Variants in ADORA2B observed in about 807,000 individuals in gnomAD.
The protein encoded by ADORA2B is adenosine receptor A2b.
A neutral mutation model predicts 20.8 loss-of-function variants in ADORA2B; 18 were observed. The observed-to-expected ratio is 0.87, with a 90% CI of 0.60 to 1.29. ADORA2B has a LOEUF of 1.29. Ranked by LOEUF, ADORA2B falls within the 50% of genes most tolerant of loss-of-function variation. The pLI, the probability that ADORA2B is intolerant of heterozygous loss-of-function variation, is 0.00. For missense variants in ADORA2B, 441 were observed against 422.7 expected (o/e 1.04, Z -0.38); for synonymous variants, 179 against 178.3 (o/e 1.00, Z -0.03).
At chr17:15,862,907 T>A in the ADORA2B span, among the ~76,000 whole-genome samples, 1 of 152,006 alleles carries the variant, frequency 6.6e-6, no homozygotes, top group Non-Finnish European at 1.5e-5. Context: ...TAGTAGCTTT[T>A]TAATACATAT....
In ADORA2B at chr17:15,975,003, C is replaced by G. The variant is rs775839247; in HGVS notation, c.660C>G (p.Asp220Glu). Residue 220 changes from aspartate (D) to glutamate (E), a missense_variant, in exon 2 of 2, where the codon GAC becomes GAG. Physicochemically the swap from Asp to Glu is conservative, Grantham distance 45. Transcript: ENST00000304222. Reference sequence around the variant, plus strand: ...AGCTTCAGCGCACTGAGCTGATGGACCACTCGAGGACCACCCTCCAGCGGG... The same window carrying G: ...AGCTTCAGCGCACTGAGCTGATGGAGCACTCGAGGACCACCCTCCAGCGGG... The part of the protein sequence containing the change: ...CRQLQRTELM[D>E]HSRTTLQREI... 6.2e-7 allele frequency: 1 copy of G among 1,614,142 alleles called. No homozygotes were observed. Among genetic ancestry groups the G allele is most frequent in the Non-Finnish European group, 8.5e-7 (1 of 1,180,026 alleles).
At chr17:15,855,255 C>T in the ADORA2B span, among the ~76,000 whole-genome samples, 1 of 152,218 alleles carries the variant, frequency 6.6e-6, no homozygotes, top group East Asian at 1.9e-4. Context: ...TAATCCCCCC[C>T]AACAATCCTC....
At chr17:15,942,887 G>T (rs998427529), upstream of ADORA2B, among the ~76,000 whole-genome samples, 1 of 152,104 alleles carries the variant, frequency 6.6e-6, no homozygotes, top group Non-Finnish European at 1.5e-5. Context: ...CCTCTGCCTG[G>T]TATAGCTGGA....
At chr17:15,899,628 A>G in the ADORA2B span, among the ~76,000 whole-genome samples, 2 of 151,936 alleles carry the variant, frequency 1.3e-5, no homozygotes, top group South Asian at 2.1e-4. Flanking sequence ...CCCAGTGTCT[A>G]TTGTCCCATC....
At chr17:15,864,594 A>G in the ADORA2B span, among the ~76,000 whole-genome samples, 2 of 152,198 alleles carry the variant, frequency 1.3e-5, no homozygotes, top group African/African-American at 4.8e-5. Flanking sequence ...AATTGATGTC[A>G]AGGTAGGGAA....
intron 1 of ADORA2B, 137 bp from the exon 2 acceptor site, chr17:15,974,541 AG>A: frequency 1.4e-6 from 1 of 691,444 alleles, no homozygotes; most frequent in South Asian, 2.0e-5. Context: ...TTTAGTATTG[AG>A]GGTAAAGGCC....
chr17:15,871,180 A>G, the ADORA2B span, among the ~76,000 whole-genome samples: 2 of 152,202 alleles, frequency 1.3e-5, no homozygotes, highest in Non-Finnish European at 2.9e-5. Flanking sequence ...ACTATGAGGA[A>G]TAAAAATGGC....
At chr17:15,897,860 A>G in the ADORA2B span, among the ~76,000 whole-genome samples, 6 of 152,214 alleles carry the variant, frequency 3.9e-5, no homozygotes, top group Non-Finnish European at 7.3e-5. Flanking sequence ...GTTCAACACC[A>G]TGAACAGTGC....
chr17:15,865,954 A>T, the ADORA2B span, among the ~76,000 whole-genome samples: 1 of 148,136 alleles, frequency 6.8e-6, no homozygotes. Context: ...CACAGTATTG[A>T]ATCAGTGAGA....
At chr17:15,965,799 C>T (rs1488279476) in intron 1 of ADORA2B, among the ~76,000 whole-genome samples, 2 of 152,282 alleles carry the variant, frequency 1.3e-5, no homozygotes, top group African/African-American at 4.8e-5. Flanking sequence ...TGGCAGGCTA[C>T]GCTGCCTCCA....
chr17:15,948,270 G>A (rs927633852), intron 1 of ADORA2B, among the ~76,000 whole-genome samples: 3 of 11,010 alleles, frequency 2.7e-4, no homozygotes, highest in Non-Finnish European at 7.8e-4. Flanking sequence ...AGGGGAGCCG[G>A]AGGGAATGCC....
At chr17:15,866,092 T>G in the ADORA2B span, among the ~76,000 whole-genome samples, 1 of 152,128 alleles carries the variant, frequency 6.6e-6, no homozygotes, top group Non-Finnish European at 1.5e-5. Flanking sequence ...AAGTCCAGTT[T>G]GGGGCTAAGG....
the ADORA2B span, among the ~76,000 whole-genome samples, chr17:15,909,436 A>T: frequency 4.6e-5 from 7 of 152,316 alleles, no homozygotes; most frequent in African/African-American, 1.7e-4. Flanking sequence ...TTGTAGCGAA[A>T]GGAAAGCCTG....
the ADORA2B span, among the ~76,000 whole-genome samples, chr17:15,884,857 T>TA: frequency 6.6e-6 from 1 of 152,220 alleles, no homozygotes; most frequent in African/African-American, 2.4e-5. Flanking sequence ...TCTTTGCTCT[T>TA]ATGACTAGTG....
Position 15,975,429 on chromosome 17 carries a change from C to T in ADORA2B, c.*87C>T, listed in dbSNP as rs1175885759. On this transcript the variant is annotated 3_prime_UTR_variant, in exon 2 of 2. Coordinates refer to ENST00000304222, the MANE Select transcript of ADORA2B (RefSeq NM_000676.4). ...TGGTTTTCATTGTGAAAGATAGCTA[C>T]ACCTCACAAGGAAATGGACTGCCTC... 3 of 1,394,210 alleles carry T rather than the reference C, an allele frequency of 2.2e-6. No individual in the cohort carries two copies. The highest frequency in any genetic ancestry group is 1.4e-5 in the African/African-American group (1 of 69,834). The allele number at this position is 1,394,210 out of a possible 1,614,324, so 86.4% of individuals were successfully genotyped here.
At chr17:15,916,559 C>T in the ADORA2B span, among the ~76,000 whole-genome samples, 2 of 152,062 alleles carry the variant, frequency 1.3e-5, no homozygotes, top group African/African-American at 4.8e-5. Context: ...CAAGCTCCTG[C>T]GTCGGTAATT....
chr17:15,964,863 C>A (rs978842139), intron 1 of ADORA2B, among the ~76,000 whole-genome samples: 1 of 151,896 alleles, frequency 6.6e-6, no homozygotes, highest in South Asian at 2.1e-4. Flanking sequence ...AGATCGAGAC[C>A]ATCCTGGCTA....
chr17:15,957,238 A>C (rs2151599560), intron 1 of ADORA2B, among the ~76,000 whole-genome samples: 1 of 152,316 alleles, frequency 6.6e-6, no homozygotes, highest in Non-Finnish European at 1.5e-5. Context: ...GGAGCAGAGG[A>C]GCCACAGGTA....
At chr17:15,923,617 A>G in the ADORA2B span, among the ~76,000 whole-genome samples, 2 of 151,818 alleles carry the variant, frequency 1.3e-5, no homozygotes, top group East Asian at 3.9e-4. Context: ...CGTGTTAGCC[A>G]GGATGGTCTC....
Sources: gnomAD v4.1 joint callset for allele counts (sites outside exome capture counted in the v4.1 genomes callset) on GRCh38, gnomAD v4.1.1 for gene constraint, MANE v1.5 for transcripts, NCBI Gene and HGNC (gene_info 2026-07-23, HGNC 2026-07-21) for gene names.